Variants in CYP2A13 observed in about 807,000 individuals in gnomAD.
CYP2A13 encodes cytochrome P450 2A13.
In CYP2A13, 30 loss-of-function variants were observed where a neutral mutation model predicts 39.4. The observed-to-expected ratio is 0.76, with a 90% CI of 0.57 to 1.03. The LOEUF (loss-of-function observed/expected upper bound fraction) is 1.03. CYP2A13 is among the 50% of genes least tolerant of loss of function. The pLI, the probability that CYP2A13 is intolerant of heterozygous loss-of-function variation, is 0.00. For synonymous variants in CYP2A13, 269 were observed against 254.7 expected, an observed-to-expected ratio of 1.06 and a Z score of -0.54; for missense variants, 731 against 648.4, an observed-to-expected ratio of 1.13 and a Z score of -1.38.
chr19:41,094,367 C>A lies in CYP2A13; in HGVS notation c.1096C>A (p.Leu366Ile), dbSNP rs756474263. ...CGAGATCCAAAGATTTGGAGACATG[C>A]TCCCCATGGGTTTGGCCCACAGGGT... ...IHEIQRFGDM[L>I]PMGLAHRVNK... is the part of the protein sequence containing the mutation. Residue 366 changes from leucine (L) to isoleucine (I), a missense_variant, in exon 7 of 9, where the codon CTC becomes ATC. By Grantham distance (5) the Leu-to-Ile change is conservative. Coordinates refer to ENST00000330436, the MANE Select transcript of CYP2A13 (RefSeq NM_000766.5). The A allele has an allele frequency of 5.6e-6, 9 of 1,614,020 alleles. No homozygotes were observed. The African/African-American group carries it at 6.7e-5, about 12-fold the overall frequency.
Position 41,090,524 on chromosome 19 carries a change from T to C in CYP2A13, c.614T>C (p.Met205Thr), listed in dbSNP as rs758885507. The C allele has an allele frequency of 1.4e-5, 23 of 1,614,158 alleles. No individual in the cohort carries two copies. The South Asian group carries it at 2.2e-4, about 15-fold the overall frequency. Residue 205 changes from methionine (M) to threonine (T), a missense_variant, in exon 4 of 9, where the codon ATG becomes ACG. Physicochemically the swap from Met to Thr is moderately conservative, Grantham distance 81. Coordinates refer to ENST00000330436, the MANE Select transcript of CYP2A13 (RefSeq NM_000766.5). ...GAGTTCCTGTCACTGTTGCGCATGATGCTGGGAAGCTTCCAGTTCACGGCA... is the reference window on the plus strand; with the variant it reads ...GAGTTCCTGTCACTGTTGCGCATGACGCTGGGAAGCTTCCAGTTCACGGCA... ...DKEFLSLLRM[M>T]LGSFQFTATS...
rs113962713 is a variant in CYP2A13 at position 41,095,006 on chromosome 19, G to T, written c.1209G>T (p.Arg403Ser). 3.1e-6 allele frequency: 5 copies of T among 1,614,060 alleles called. No homozygotes were observed. The highest frequency in any genetic ancestry group is 1.3e-5 in the African/African-American group (1 of 75,002). Reference protein sequence around the residue: ...PMLGSVLRDPRFFSNPRDFNP... With the variant: ...PMLGSVLRDPSFFSNPRDFNP... ...TGGGCTCCGTGCTGAGAGACCCCAG[G>T]TTCTTCTCCAACCCCCGGGACTTCA... Residue 403 changes from arginine to serine, a missense_variant, in exon 8 of 9, where the codon AGG becomes AGT. Coordinates refer to ENST00000330436, the MANE Select transcript of CYP2A13 (RefSeq NM_000766.5).
chr19:41,090,136 A>T lies in CYP2A13; in HGVS notation c.433A>T (p.Ile145Phe). The T allele has an allele frequency of 6.2e-7, 1 of 1,606,148 alleles. No homozygotes were observed. The highest frequency in any genetic ancestry group is 8.5e-7 in the Non-Finnish European group (1 of 1,175,652). The change falls in exon 3 of 9, where the codon ATC (isoleucine) becomes TTC (phenylalanine). Residue 145 changes from isoleucine to phenylalanine, a missense_variant. Physicochemically the swap from Ile to Phe is conservative, Grantham distance 21. Coordinates refer to ENST00000330436, the MANE Select transcript of CYP2A13 (RefSeq NM_000766.5). ...LRGFGVGKRG[I>F]EERIQEEAGF... ...GGGTTTTGGCGTGGGCAAGCGCGGCATCGAGGAACGCATCCAGGAGGAGGC... is the reference window on the plus strand; with the variant it reads ...GGGTTTTGGCGTGGGCAAGCGCGGCTTCGAGGAACGCATCCAGGAGGAGGC...
Position 41,093,272 on chromosome 19 carries a change from C to A in CYP2A13, c.832-358C>A, listed in dbSNP as rs1481851947. ...GAGCCTGCATAGTCATGTGCATGTG[C>A]AGTTCCAGCTACTCAGGAGGCTGAG... is the stretch of plus-strand genomic sequence containing the variant. On this transcript the variant is annotated intron_variant, in intron 5 of 8. Transcript: ENST00000330436. Among the ~76,000 whole-genome samples the A allele has an allele frequency of 4.6e-5, 7 of 151,916 alleles. No homozygotes were observed. In the South Asian group the frequency reaches 1.2e-3, roughly 27 times the overall value.
At chr19:41,091,939 C>G in intron 5 of CYP2A13, 31 bp downstream of exon 5, 1 of 1,610,886 alleles carries the variant, frequency 6.2e-7, no homozygotes, top group Non-Finnish European at 8.5e-7. Flanking sequence ...CAGGCAGGTG[C>G]AAAGCCAGGG....
chr19:41,090,230 C>A (rs2031157324), intron 3 of CYP2A13, 34 bp downstream of exon 3: 1 of 1,547,996 alleles, frequency 6.5e-7, no homozygotes, highest in Non-Finnish European at 8.7e-7. Flanking sequence ...AGGGCGGGAA[C>A]CCGCGCTTTC....
chr19:41,091,713 C>G lies in CYP2A13; in HGVS notation c.655-19C>G. Reference sequence around the variant, plus strand: ...GTGACAGCTGTCCTTCCCTTCCCATCCTCTCTCTGCAACCCCAGCTCTATG... The same window carrying G: ...GTGACAGCTGTCCTTCCCTTCCCATGCTCTCTCTGCAACCCCAGCTCTATG... On this transcript the variant is annotated intron_variant, in intron 4 of 8. Coordinates refer to ENST00000330436, the MANE Select transcript of CYP2A13 (RefSeq NM_000766.5). 1 of 1,612,646 alleles carries G rather than the reference C, an allele frequency of 6.2e-7. No homozygotes were observed. The highest frequency in any genetic ancestry group is 2.2e-5 in the East Asian group (1 of 44,872).
At chr19:41,089,120 G>A in intron 2 of CYP2A13, 29 bp downstream of exon 2, 1 of 1,611,250 alleles carries the variant, frequency 6.2e-7, no homozygotes, top group Non-Finnish European at 8.5e-7. Context: ...GGGGGAAGGT[G>A]GCCAGGTGGA....
chr19:41,095,727 T>C, intron 8 of CYP2A13, 33 bp from the exon 9 acceptor site: 2 of 1,612,454 alleles, frequency 1.2e-6, no homozygotes, highest in East Asian at 2.2e-5. Context: ...GAGAGTGGGC[T>C]TCACCTTCAC....
chr19:41,095,461 C>G (rs1211004626), intron 8 of CYP2A13, among the ~76,000 whole-genome samples: 1 of 152,180 alleles, frequency 6.6e-6, no homozygotes, highest in Non-Finnish European at 1.5e-5. Flanking sequence ...ATCACCCCAT[C>G]TATGATGGAG....
Position 41,089,052 on chromosome 19 carries a change from G to A in CYP2A13, c.304G>A (p.Gly102Ser), listed in dbSNP as rs1314003584. 16 of 1,613,098 alleles carry A rather than the reference G, an allele frequency of 9.9e-6. No individual in the cohort carries two copies. Among genetic ancestry groups the A allele is most frequent in the Non-Finnish European group, 1.4e-5 (16 of 1,179,846 alleles). The part of the protein sequence containing the change: ...VDQAEEFSGR[G>S]EQATFDWLFK... The stretch of plus-strand genomic sequence containing the variant: ...CCAGGCTGAGGAGTTCAGCGGGCGA[G>A]GCGAGCAGGCCACCTTCGACTGGCT... The change falls in exon 2 of 9, where the codon GGC becomes AGC. Residue 102 changes from glycine to serine, a missense_variant. Physicochemically the swap from Gly to Ser is moderately conservative, Grantham distance 56. Coordinates refer to ENST00000330436, the MANE Select transcript of CYP2A13 (RefSeq NM_000766.5).
chr19:41,091,688 G>A (rs762076804), intron 4 of CYP2A13, 44 bp from the exon 5 acceptor site: 92 of 1,606,096 alleles, frequency 5.7e-5, no homozygotes, highest in Non-Finnish European at 7.0e-5. Flanking sequence ...CTCCTGCCCC[G>A]TGACAGCTGT....
intron 5 of CYP2A13, 106 bp downstream of exon 5, chr19:41,092,014 CATA>C (rs2031201611): frequency 1.3e-6 from 2 of 1,500,612 alleles, no homozygotes; most frequent in African/African-American, 2.8e-5. Flanking sequence ...TAGCCCTCGT[CATA>C]ATAATCCTTA....
Position 41,090,568 on chromosome 19 carries a change from A to G in CYP2A13, c.654+4A>G. 6.2e-7 allele frequency: 1 copy of G among 1,613,922 alleles called. No homozygotes were observed. Among genetic ancestry groups the G allele is most frequent in the South Asian group, 1.1e-5 (1 of 91,064 alleles). On this transcript the variant is annotated splice_donor_region_variant and intron_variant, in intron 4 of 8. Coordinates refer to ENST00000330436, the MANE Select transcript of CYP2A13 (RefSeq NM_000766.5). ...CACGGCAACCTCCACGGGGCAGGTA[A>G]CTGGCTGCAGCCCGCCAGTGACGCC...
chr19:41,094,650 C>T lies in CYP2A13; in HGVS notation c.1161+218C>T, dbSNP rs190949204. 7.2e-5 allele frequency among the ~76,000 whole-genome samples: 11 copies of T among 152,232 alleles called. No individual in the cohort carries two copies. In the East Asian group the frequency reaches 2.1e-3, roughly 29 times the overall value. ...ACTCTTTGTGTCAGGAGAATACACC[C>T]CATGTTCCCAAACTTCCTGTCTTAA... On this transcript the variant is annotated intron_variant, in intron 7 of 8. Coordinates refer to ENST00000330436, the MANE Select transcript of CYP2A13 (RefSeq NM_000766.5).
At position 41,091,806 on chromosome 19, in the gene CYP2A13, G is replaced by T. The variant is rs766691370; in HGVS notation, c.729G>T (p.Gly243=). 2.5e-6 allele frequency: 4 copies of T among 1,614,150 alleles called. No individual in the cohort carries two copies. The South Asian group carries it at 4.4e-5, about 18-fold the overall frequency. The change falls in exon 5 of 9, where the codon GGG becomes GGT. Residue 243 remains glycine, a synonymous_variant. Coordinates refer to ENST00000330436, the MANE Select transcript of CYP2A13 (RefSeq NM_000766.5). ...PQQQAFKELQ[G]LEDFIAKKVE... is the part of the protein sequence containing the mutation. ...AACAGGCCTTTAAGGAGCTGCAAGG[G>T]CTGGAGGACTTCATCGCCAAGAAGG...
rs753627766 is a variant in CYP2A13 at position 41,090,161 on chromosome 19, C to A, written c.458C>A (p.Ala153Glu). The A allele has an allele frequency of 8.2e-6, 13 of 1,591,176 alleles. No individual in the cohort carries two copies. The highest frequency in any genetic ancestry group is 1.0e-5 in the Non-Finnish European group (12 of 1,167,838). The stretch of plus-strand genomic sequence containing the variant: ...ATCGAGGAACGCATCCAGGAGGAGG[C>A]GGGCTTCCTCATCGACGCCCTCCGG... ...RGIEERIQEE[A>E]GFLIDALRGT... Residue 153 changes from alanine to glutamate, a missense_variant, in exon 3 of 9, where the codon GCG becomes GAG. Coordinates refer to ENST00000330436, the MANE Select transcript of CYP2A13 (RefSeq NM_000766.5).
intron 2 of CYP2A13, among the ~76,000 whole-genome samples, chr19:41,089,805 T>C (rs1362608981): frequency 7.7e-3 from 5 of 646 alleles, no homozygotes; most frequent in Non-Finnish European, 0.017. Context: ...TTCTACCCGG[T>C]CTCTCTCTCT....
rs747105505 is a variant in CYP2A13 at position 41,088,576 on chromosome 19, G to C, written c.105G>C (p.Pro35=). 9 of 1,613,952 alleles carry C rather than the reference G, an allele frequency of 5.6e-6. No individual in the cohort carries two copies. In the Admixed American group the frequency reaches 1.3e-4, roughly 24 times the overall value. Residue 35 remains proline, a synonymous_variant, in exon 1 of 9, where the codon CCG becomes CCC. Coordinates refer to ENST00000330436, the MANE Select transcript of CYP2A13 (RefSeq NM_000766.5). ...GGAAGAGCAGGGGGAAGCTGCCTCC[G>C]GGACCCACCCCATTGCCCTTCATTG... The part of the protein sequence containing the change: ...RQRKSRGKLP[P]GPTPLPFIGN...
Sources: allele counts gnomAD v4.1 joint callset (sites outside exome capture counted in the v4.1 genomes callset), GRCh38; gene constraint gnomAD v4.1.1; transcripts MANE v1.5; gene names NCBI Gene and HGNC (gene_info 2026-07-23, HGNC 2026-07-21).